The following ITPR1 variants were observed in gnomAD, a reference collection of about 807,000 sequenced individuals.
ITPR1 encodes the protein inositol 1,4,5-trisphosphate-gated calcium channel ITPR1.
Under a neutral mutation model 318.4 loss-of-function variants are expected in ITPR1, and 96 were observed. The ratio of observed to expected loss-of-function variants is 0.30; its 90% confidence interval spans 0.26 to 0.36. ITPR1 has a LOEUF of 0.36. ITPR1 is among the 10% of genes least tolerant of loss of function. The pLI, the probability that ITPR1 is intolerant of heterozygous loss-of-function variation, is 1.00. For synonymous variants in ITPR1, 1,312 were observed against 1,289.9 expected (o/e 1.02, Z -0.37); for missense variants, 2,440 against 3,460.2 (o/e 0.71, Z 7.40).
chr3:4,712,945 T>G (rs1574973314), intron 39 of ITPR1, among the ~76,000 whole-genome samples: 2 of 152,322 alleles, frequency 1.3e-5, no homozygotes, highest in South Asian at 2.1e-4. Flanking sequence ...AGTAGGAATT[T>G]TGCAGAGAAA....
At chr3:4,691,448 C>T in intron 32 of ITPR1, 104 bp downstream of exon 32, 2 of 721,950 alleles carry the variant, frequency 2.8e-6, no homozygotes, top group South Asian at 1.9e-5. Flanking sequence ...AGGAGCCATA[C>T]AGAAGGACAG....
rs1365344302 is a variant in ITPR1, at chr3:4,619,685, C to A, written c.164-8078C>A. Among the ~76,000 whole-genome samples the A allele has an allele frequency of 4.6e-3, 18 of 3,910 alleles. 7 individuals carry two copies. The highest frequency in any genetic ancestry group is 0.039 in the African/African-American group (18 of 460). The allele number at this position is 3,910 out of a possible 152,430, so 2.6% of individuals were successfully genotyped here. ...GCTCTCCTCTGCTCTCCCCTGCTCT[C>A]CTCTGCTCTCCCCTGCTCTCCTCTG... On this transcript the variant is annotated intron_variant, in intron 4 of 61. Transcript: ENST00000649015.
intron 4 of ITPR1, among the ~76,000 whole-genome samples, chr3:4,580,046 TAA>T (rs2089145684): frequency 6.6e-6 from 1 of 152,016 alleles, no homozygotes; most frequent in Non-Finnish European, 1.5e-5. Context: ...CTGTCTCTAC[TAA>T]AAATACAAAA....
At chr3:4,631,054 G>T (rs749892943) in intron 5 of ITPR1, among the ~76,000 whole-genome samples, 1 of 152,150 alleles carries the variant, frequency 6.6e-6, no homozygotes, top group Non-Finnish European at 1.5e-5. Flanking sequence ...ACAACTTGAC[G>T]TGAATATGTG....
At chr3:4,672,544 G>C (rs946415472) in intron 20 of ITPR1, among the ~76,000 whole-genome samples, 5 of 152,198 alleles carry the variant, frequency 3.3e-5, no homozygotes, top group African/African-American at 1.2e-4. Context: ...AAGTGAATGA[G>C]AAAGAGTGCC....
chr3:4,630,077 T>A (rs2092966100), intron 5 of ITPR1, among the ~76,000 whole-genome samples: 4 of 152,162 alleles, frequency 2.6e-5, no homozygotes, highest in Admixed American at 2.6e-4. Flanking sequence ...ATACCAATTT[T>A]AAAAAATTAT....
At chr3:4,678,430 A>C (rs2094227983) in intron 24 of ITPR1, among the ~76,000 whole-genome samples, 1 of 152,176 alleles carries the variant, frequency 6.6e-6, no homozygotes, top group Non-Finnish European at 1.5e-5. Flanking sequence ...TCACATCTTG[A>C]GGTCCACTCA....
rs531262017 is a variant in ITPR1 at position 4,624,965 on chromosome 3, GTGTCTTTCCTAAGAGGTGGGGAGAGCA to G, written c.164-2797_164-2771del. 7.2e-5 allele frequency among the ~76,000 whole-genome samples: 11 copies of G among 152,298 alleles called. No homozygotes were observed. The East Asian group carries it at 2.1e-3, about 29-fold the overall frequency. On this transcript the variant is annotated intron_variant, in intron 4 of 61. Coordinates refer to ENST00000649015, the MANE Select transcript of ITPR1 (RefSeq NM_001378452.1). ...CTAATATAGCAAATGACCATGACCT[GTGTCTTTCCTAAGAGGTGGGGAGAGCA>G]GATTGGTCTTTTAAACTGGTCTCCT...
intron 7 of ITPR1, 144 bp downstream of exon 7, chr3:4,642,395 G>T (rs1012209817): frequency 1.9e-6 from 1 of 531,442 alleles, no homozygotes; most frequent in Admixed American, 4.2e-5. Context: ...GGAAACTAGT[G>T]TTTGGGAAAC....
At chr3:4,699,443 C>G (rs768299583) in intron 34 of ITPR1, among the ~76,000 whole-genome samples, 6 of 152,064 alleles carry the variant, frequency 3.9e-5, no homozygotes, top group South Asian at 2.1e-4. Context: ...GGTCTAGAAC[C>G]GAGGAATGGA....
chr3:4,667,263 T>C (rs893253275), intron 17 of ITPR1, 114 bp from the exon 18 acceptor site: 5 of 727,848 alleles, frequency 6.9e-6, no homozygotes, highest in Non-Finnish European at 1.1e-5. Context: ...TATACTGTAA[T>C]GTCTCTTAGG....
chr3:4,555,973 C>G (rs906417286), intron 4 of ITPR1, among the ~76,000 whole-genome samples: 1 of 152,262 alleles, frequency 6.6e-6, no homozygotes, highest in African/African-American at 2.4e-5. Context: ...GGTCTGTGCT[C>G]GTAGACACTG....
intron 60 of ITPR1, among the ~76,000 whole-genome samples, chr3:4,828,153 C>T (rs897594129): frequency 7.9e-5 from 12 of 151,898 alleles, no homozygotes; most frequent in African/African-American, 2.4e-4. Flanking sequence ...TATCTTTCCC[C>T]GAAACAACAG....
chr3:4,718,590 A>G (rs2041933029), intron 40 of ITPR1, among the ~76,000 whole-genome samples: 1 of 152,222 alleles, frequency 6.6e-6, no homozygotes, highest in Non-Finnish European at 1.5e-5. Context: ...ACACAGCTAG[A>G]CAGTGACTAA....
At chr3:4,822,919 G>C (rs569664818) in intron 60 of ITPR1, among the ~76,000 whole-genome samples, 1 of 152,182 alleles carries the variant, frequency 6.6e-6, no homozygotes, top group Non-Finnish European at 1.5e-5. Context: ...CTTTCCCTGC[G>C]GGAACTTGAA....
rs941088554 is a variant in ITPR1, at chr3:4,710,554, C to T, written c.4991+81C>T. 1.2e-5 allele frequency: 17 copies of T among 1,392,294 alleles called. No individual in the cohort carries two copies. In the South Asian group the frequency reaches 1.2e-4, roughly 10 times the overall value. The allele number at this position is 1,392,294 out of a possible 1,614,324, so 86.2% of individuals were successfully genotyped here. A position where few individuals can be genotyped will look rare whatever the true frequency, so the allele number is the denominator to read the frequency against. Reference sequence around the variant, plus strand: ...AAGCTTTTGTTCCCGAAGAAGGAGACGTTGTCCTGTTTTTTAACTTTGATG... The same window carrying T: ...AAGCTTTTGTTCCCGAAGAAGGAGATGTTGTCCTGTTTTTTAACTTTGATG... On this transcript the variant is annotated intron_variant, in intron 38 of 61. Coordinates refer to ENST00000649015, the MANE Select transcript of ITPR1 (RefSeq NM_001378452.1). The surrounding 1 kb of genome is among the most constrained non-coding windows in gnomAD (Gnocchi z 4.2).
rs905034632 is a variant in ITPR1 at position 4,806,175 on chromosome 3, A to G, written c.7180A>G (p.Met2394Val). The change falls in exon 55 of 62, where the codon ATG becomes GTG. Residue 2394 changes from methionine (M) to valine (V), a missense_variant. By Grantham distance (21) the Met-to-Val change is conservative (BLOSUM62 1). Around this residue, in one of 23 missense-constraint regions of ITPR1, gnomAD observed 126 missense variants for 150.8 expected, o/e 0.84. Transcript: ENST00000649015. ...GACATTCACAAGAGGCTACCGAGCC[A>G]TGGTTCTGGATGTTGAGTTCCTCTA... Reference protein sequence around the residue: ...CGTFTRGYRAMVLDVEFLYHL... With the variant: ...CGTFTRGYRAVVLDVEFLYHL... 12 of 1,613,794 alleles carry G rather than the reference A, an allele frequency of 7.4e-6. No individual in the cohort carries two copies. Among genetic ancestry groups the G allele is most frequent in the Non-Finnish European group, 8.5e-6 (10 of 1,179,762 alleles).
intron 4 of ITPR1, among the ~76,000 whole-genome samples, chr3:4,543,101 G>A (rs574338323): frequency 1.8e-4 from 27 of 151,982 alleles, no homozygotes; most frequent in East Asian, 7.7e-4. Flanking sequence ...AGACTGATCC[G>A]TGTTTGAATA....
At position 4,762,614 on chromosome 3, in the gene ITPR1, C is replaced by T. The variant is rs2045531834; in HGVS notation, c.5545-3916C>T. The stretch of plus-strand genomic sequence containing the variant: ...CCATCAGTTTGCACTGTACTAAGCA[C>T]TTGGCATGCATCATGGCAGCCCTTC... On this transcript the variant is annotated intron_variant, in intron 44 of 61. Coordinates refer to ENST00000649015, the MANE Select transcript of ITPR1 (RefSeq NM_001378452.1). 2.0e-5 allele frequency among the ~76,000 whole-genome samples: 3 copies of T among 152,320 alleles called. No individual in the cohort carries two copies. The South Asian group carries it at 6.2e-4, about 32-fold the overall frequency.
Sources: allele counts gnomAD v4.1 joint callset (sites outside exome capture counted in the v4.1 genomes callset), GRCh38; gene constraint gnomAD v4.1.1; regional missense constraint gnomAD v4.1.1; non-coding constraint Gnocchi (gnomAD v3.1); transcripts MANE v1.5; gene names NCBI Gene and HGNC (gene_info 2026-07-23, HGNC 2026-07-21).